The following GABPB1 variants were observed in gnomAD, a reference collection of about 807,000 sequenced individuals.
GABPB1 encodes GA binding protein transcription factor subunit beta 1, also known as GA-binding protein subunit beta-1.
Under a neutral mutation model 45.9 loss-of-function variants are expected in GABPB1, and 15 were observed. The ratio of observed to expected loss-of-function variants is 0.33; its 90% CI spans 0.22 to 0.50. The LOEUF is 0.50. GABPB1 is among the 20% of genes least tolerant of loss of function. The probability of loss-of-function intolerance (pLI) is 0.98; values close to 1 mark genes in which losing one functional copy is unlikely to be tolerated. For synonymous variants in GABPB1, 143 were observed against 154.4 expected (o/e 0.93, Z 0.55); for missense variants, 252 against 457.5 (o/e 0.55, Z 4.10).
intron 1 of GABPB1, among the ~76,000 whole-genome samples, chr15:50,320,857 A>AG (rs2047546384): frequency 6.6e-6 from 1 of 152,168 alleles, no homozygotes; most frequent in South Asian, 2.1e-4. Flanking sequence ...AGATGGAGGA[A>AG]GGGGTCACAG....
At position 50,343,960 on chromosome 15, in the gene GABPB1, T is replaced by C. The variant is rs185114599; in HGVS notation, c.-1+11025A>G. ...TACCTACTTTTATTCCTTTTCATTT[T>C]ACTCATTACCACCTAACATCACGTA... On this transcript the variant is annotated intron_variant, in intron 1 of 8. Transcript: ENST00000380877. 1.4e-3 allele frequency among the ~76,000 whole-genome samples: 210 copies of C among 152,350 alleles called. 2 individuals are homozygous for C. Among genetic ancestry groups the C allele is most frequent in the African/African-American group, 4.9e-3 (204 of 41,584 alleles).
At chr15:50,352,193 A>T (rs766508403) in intron 1 of GABPB1, 2 of 152,090 alleles carry the variant, frequency 1.3e-5, no homozygotes, top group Non-Finnish European at 2.9e-5. Flanking sequence ...ATTCCTCATG[A>T]CGTGCACTTT....
At chr15:50,339,514 A>G (rs947155085) in intron 1 of GABPB1, among the ~76,000 whole-genome samples, 1 of 151,438 alleles carries the variant, frequency 6.6e-6, no homozygotes, top group Non-Finnish European at 1.5e-5. Flanking sequence ...AAAAAAAAAA[A>G]ACTTCTTGAA....
chr15:50,346,827 G>A (rs1339439586), intron 1 of GABPB1, among the ~76,000 whole-genome samples: 2 of 138,708 alleles, frequency 1.4e-5, no homozygotes, highest in Non-Finnish European at 3.0e-5. Context: ...TCACTCTGTC[G>A]CCCAGGCTGG....
At chr15:50,353,287 G>A (rs2048925504) in intron 1 of GABPB1, 1 of 152,082 alleles carries the variant, frequency 6.6e-6, no homozygotes, top group South Asian at 2.1e-4. Context: ...AAAAAAGTAT[G>A]GGAATCAATC....
At chr15:50,304,204 A>C in intron 2 of GABPB1, 71 bp from the exon 3 acceptor site, 1 of 1,305,412 alleles carries the variant, frequency 7.7e-7, no homozygotes, top group East Asian at 2.6e-5. Flanking sequence ...TATAGTAAAC[A>C]GATTTTCTTT....
At chr15:50,347,336 A>C (rs925258068) in intron 1 of GABPB1, 1 of 152,174 alleles carries the variant, frequency 6.6e-6, no homozygotes, top group Non-Finnish European at 1.5e-5. Context: ...AGTTCACACA[A>C]GTCATTTAGG....
At chr15:50,312,501 G>A (rs905263480) in intron 1 of GABPB1, among the ~76,000 whole-genome samples, 6 of 152,132 alleles carry the variant, frequency 3.9e-5, no homozygotes, top group Non-Finnish European at 8.8e-5. Flanking sequence ...TAGATAATAT[G>A]TAACTGCTGG....
At chr15:50,317,117 C>G (rs781089646) in intron 1 of GABPB1, among the ~76,000 whole-genome samples, 51 of 151,964 alleles carry the variant, frequency 3.4e-4, no homozygotes, top group Non-Finnish European at 7.5e-4. Flanking sequence ...CACTTGGAGC[C>G]GAGTGTAGTG....
Position 50,275,859 on chromosome 15 carries a change from A to T in GABPB1, c.*2773T>A, listed in dbSNP as rs1284444759. On this transcript the variant is annotated 3_prime_UTR_variant, in exon 9 of 9. Transcript: ENST00000380877. ...AGTCCCTGCAGATACTACTTCTCAG[A>T]TGAGGCTTTCTGAAAGCATCACAGA... The T allele has an allele frequency of 1.3e-5, 2 of 152,232 alleles. No individual in the cohort carries two copies. Among genetic ancestry groups the T allele is most frequent in the Admixed American group, 1.3e-4 (2 of 15,282 alleles). The allele number at this position is 152,232 out of a possible 1,614,324, so 9.4% of individuals were successfully genotyped here.
chr15:50,339,265 C>T (rs190005115), intron 1 of GABPB1, among the ~76,000 whole-genome samples: 1 of 152,228 alleles, frequency 6.6e-6, no homozygotes. Context: ...TTGCAGTGAG[C>T]CAAGATCACA....
At chr15:50,314,247 G>C (rs958096808) in intron 1 of GABPB1, among the ~76,000 whole-genome samples, 102 of 151,826 alleles carry the variant, frequency 6.7e-4, no homozygotes, top group Admixed American at 2.0e-3. Flanking sequence ...GCAGTGGCGT[G>C]ATCTCGGCTC....
chr15:50,348,739 G>A (rs1450006489), intron 1 of GABPB1, among the ~76,000 whole-genome samples: 1 of 151,988 alleles, frequency 6.6e-6, no homozygotes, highest in Non-Finnish European at 1.5e-5. Context: ...GCGCGCACCT[G>A]TAGTCCCAGC....
At chr15:50,303,169 T>C in intron 3 of GABPB1, 46 bp from the exon 4 acceptor site, 3 of 1,434,228 alleles carry the variant, frequency 2.1e-6, no homozygotes, top group Non-Finnish European at 2.9e-6. Flanking sequence ...AAATATCACA[T>C]AAAAAATTCC....
chr15:50,332,108 C>G (rs1348255942), intron 1 of GABPB1, among the ~76,000 whole-genome samples: 3 of 152,136 alleles, frequency 2.0e-5, no homozygotes, highest in Admixed American at 1.3e-4. Context: ...CTCCTGACCT[C>G]AAGCAATCCA....
At chr15:50,289,943 AT>A (rs1567482152) in intron 6 of GABPB1, among the ~76,000 whole-genome samples, 1 of 151,330 alleles carries the variant, frequency 6.6e-6, no homozygotes, top group East Asian at 1.9e-4. Flanking sequence ...GACTAGTTTT[AT>A]TTTTTTTAGG....
At chr15:50,326,047 A>G (rs924242354) in intron 1 of GABPB1, among the ~76,000 whole-genome samples, 2 of 142,914 alleles carry the variant, frequency 1.4e-5, no homozygotes, top group African/African-American at 5.3e-5. Flanking sequence ...AGCTGGGAAT[A>G]TAGGCGCCCA....
intron 1 of GABPB1, chr15:50,350,245 T>C (rs1026771212): frequency 6.6e-6 from 1 of 151,504 alleles, no homozygotes; most frequent in Non-Finnish European, 1.5e-5. Context: ...GCAAGCAACC[T>C]CATTTCTCTA....
intron 1 of GABPB1, among the ~76,000 whole-genome samples, chr15:50,343,442 C>G (rs1406371926): frequency 1.3e-5 from 2 of 152,192 alleles, no homozygotes; most frequent in Non-Finnish European, 2.9e-5. Flanking sequence ...GAACTCTTCA[C>G]TTAGATACTG....
Sources: allele counts gnomAD v4.1 joint callset (sites outside exome capture counted in the v4.1 genomes callset), GRCh38; gene constraint gnomAD v4.1.1; transcripts MANE v1.5; gene names NCBI Gene and HGNC (gene_info 2026-07-23, HGNC 2026-07-21).